Variants in DOCK3 observed in about 807,000 individuals in gnomAD.
DOCK3 encodes dedicator of cytokinesis protein 3.
DOCK3 carries 60 observed loss-of-function variants against 265.6 expected under a neutral mutation model. The ratio of observed to expected loss-of-function variants is 0.23; its 90% CI spans 0.18 to 0.28. DOCK3 has a LOEUF of 0.28. Ranked by LOEUF, DOCK3 falls within the 10% of genes least tolerant of loss-of-function variation. The pLI, the probability that DOCK3 is intolerant of heterozygous loss-of-function variation, is 1.00. For missense variants in DOCK3, 1,981 were observed against 2,594.3 expected, an observed-to-expected ratio of 0.76 and a Z score of 5.14; for synonymous variants, 881 against 938.0, an observed-to-expected ratio of 0.94 and a Z score of 1.11.
chr3:51,148,467 T>C (rs1409353529), intron 10 of DOCK3, among the ~76,000 whole-genome samples: 1 of 152,250 alleles, frequency 6.6e-6, no homozygotes, highest in Non-Finnish European at 1.5e-5. Flanking sequence ...AGGATTTTTA[T>C]GGTTTTAGGT....
chr3:50,922,203 C>T (rs1344618611), intron 4 of DOCK3, among the ~76,000 whole-genome samples: 1 of 152,236 alleles, frequency 6.6e-6, no homozygotes, highest in Non-Finnish European at 1.5e-5. Flanking sequence ...ATGGGCTCTA[C>T]CCAGTTCAAG....
chr3:51,010,151 G>C (rs1289660061), intron 5 of DOCK3, among the ~76,000 whole-genome samples: 1 of 152,146 alleles, frequency 6.6e-6, no homozygotes, highest in Non-Finnish European at 1.5e-5. Flanking sequence ...GTGCAGAGCT[G>C]AGTTCAGTTC....
intron 4 of DOCK3, among the ~76,000 whole-genome samples, chr3:50,928,069 C>A (rs2050857767): frequency 6.6e-6 from 1 of 150,636 alleles, no homozygotes; most frequent in African/African-American, 2.4e-5. Context: ...TAACATGTAT[C>A]CTCTCTATTG....
At chr3:51,248,679 C>T (rs1318167407) in intron 22 of DOCK3, among the ~76,000 whole-genome samples, 2 of 151,782 alleles carry the variant, frequency 1.3e-5, no homozygotes, top group African/African-American at 4.8e-5. Flanking sequence ...AGGAGCCCCT[C>T]TGCCTGGCTG....
chr3:51,312,290 T>G (rs931730927), intron 29 of DOCK3, among the ~76,000 whole-genome samples, 186 bp from the exon 30 acceptor site: 13 of 152,142 alleles, frequency 8.5e-5, no homozygotes, highest in African/African-American at 1.4e-4. Context: ...TCAACACAAT[T>G]GGCTTCAGAA....
chr3:51,157,056 G>A (rs1390099935), intron 10 of DOCK3, among the ~76,000 whole-genome samples: 1 of 152,014 alleles, frequency 6.6e-6, no homozygotes, highest in Non-Finnish European at 1.5e-5. Context: ...TTAATTCCAT[G>A]TTTAAAAGAA....
chr3:50,714,700 G>A (rs892598416), intron 1 of DOCK3, among the ~76,000 whole-genome samples: 3 of 152,154 alleles, frequency 2.0e-5, no homozygotes, highest in African/African-American at 7.2e-5. Context: ...GCCTCCTAAT[G>A]TGCTGAGATT....
chr3:50,945,710 A>G (rs192997549), intron 5 of DOCK3, among the ~76,000 whole-genome samples: 1 of 152,324 alleles, frequency 6.6e-6, no homozygotes. Context: ...GATTTGTTAA[A>G]GATTAAGAAC....
chr3:50,821,865 T>C (rs977693611), intron 2 of DOCK3, among the ~76,000 whole-genome samples: 2 of 152,218 alleles, frequency 1.3e-5, no homozygotes, highest in Admixed American at 1.3e-4. Context: ...GTTCCATTGA[T>C]CTATGTGTCT....
chr3:50,993,372 T>C (rs2078176037), intron 5 of DOCK3, among the ~76,000 whole-genome samples: 1 of 152,236 alleles, frequency 6.6e-6, no homozygotes, highest in Admixed American at 6.5e-5. Context: ...ATTTGATACT[T>C]TTCAGAAGCT....
chr3:51,358,423 A>T (rs937995108), intron 46 of DOCK3, among the ~76,000 whole-genome samples: 1 of 152,300 alleles, frequency 6.6e-6, no homozygotes, highest in Middle Eastern at 3.4e-3. Flanking sequence ...GATGTTTTTC[A>T]TCCCAAGAAC....
intron 9 of DOCK3, among the ~76,000 whole-genome samples, chr3:51,113,551 G>A (rs909332247): frequency 6.6e-6 from 1 of 152,138 alleles, no homozygotes; most frequent in Non-Finnish European, 1.5e-5. Flanking sequence ...CTCCAGAGCT[G>A]CTGACAGCTT....
chr3:50,783,146 A>C (rs546878640), intron 2 of DOCK3, among the ~76,000 whole-genome samples: 1 of 152,170 alleles, frequency 6.6e-6, no homozygotes, highest in East Asian at 1.9e-4. Flanking sequence ...ATGCGTGTGC[A>C]TGCGTCTTTT....
chr3:50,953,004 A>C (rs959251268), intron 5 of DOCK3, among the ~76,000 whole-genome samples: 1 of 152,164 alleles, frequency 6.6e-6, no homozygotes. Flanking sequence ...TGTGACTCTT[A>C]TCTTCCTTAG....
rs1399056611 is a variant in DOCK3, at chr3:50,886,208, A to ATG, written c.163-3817_163-3816insGT. Among the ~76,000 whole-genome samples, 139 of 136,914 alleles carry ATG rather than the reference A, an allele frequency of 1.0e-3. 5 individuals are homozygous for ATG. Among genetic ancestry groups the ATG allele is most frequent in the South Asian group, 3.2e-3 (14 of 4,354 alleles). The allele number at this position is 136,914 out of a possible 152,430, so 89.8% of individuals were successfully genotyped here. On this transcript the variant is annotated intron_variant, in intron 3 of 52. Coordinates refer to ENST00000266037, the MANE Select transcript of DOCK3 (RefSeq NM_004947.5). ...TGGAGATATATATATATATATATAT[A>ATG]TTCCAGAGTTTTTAGGTATGCACTA...
At chr3:51,328,604 T>TAA (rs372897781) in intron 32 of DOCK3, among the ~76,000 whole-genome samples, 4 of 134,234 alleles carry the variant, frequency 3.0e-5, no homozygotes, top group African/African-American at 8.1e-5. Flanking sequence ...AGACCACTAT[T>TAA]AAAAAAAAAA....
At chr3:50,680,313 G>A (rs2107660745) in intron 1 of DOCK3, among the ~76,000 whole-genome samples, 1 of 150,796 alleles carries the variant, frequency 6.6e-6, no homozygotes, top group East Asian at 2.0e-4. Flanking sequence ...CTGGGTTCAA[G>A]CGATTCTTCT....
Position 51,361,980 on chromosome 3 carries a change from C to A in DOCK3, c.5128C>A (p.Leu1710Met). ...DGSMGDAPED[L>M]YHHMQLAYPN... ...CTCCATGGGTGATGCTCCTGAGGAC[C>A]TGTACCACCACATGCAGGTACAGAG... The change falls in exon 48 of 53, where the codon CTG becomes ATG. Residue 1710 changes from leucine (L) to methionine (M), a missense_variant. Leu to Met is a conservative substitution (Grantham distance 15). Transcript: ENST00000266037. The surrounding 1 kb of genome is among the most constrained non-coding windows in gnomAD (Gnocchi z 4.2). The A allele has an allele frequency of 6.2e-7, 1 of 1,609,106 alleles. No homozygotes were observed. Among genetic ancestry groups the A allele is most frequent in the Non-Finnish European group, 8.5e-7 (1 of 1,177,802 alleles).
At chr3:51,327,070 T>A (rs1179711453) in intron 32 of DOCK3, among the ~76,000 whole-genome samples, 3 of 152,206 alleles carry the variant, frequency 2.0e-5, no homozygotes, top group Non-Finnish European at 4.4e-5. Context: ...TACAGCACGA[T>A]TTTTTGAAAT....
Sources: gnomAD v4.1 joint callset for allele counts (sites outside exome capture counted in the v4.1 genomes callset) on GRCh38, gnomAD v4.1.1 for gene constraint, Gnocchi (gnomAD v3.1) non-coding constraint, MANE v1.5 for transcripts, NCBI Gene and HGNC (gene_info 2026-07-23, HGNC 2026-07-21) for gene names.